Variants in STK3 observed in about 807,000 individuals in gnomAD.
STK3 encodes serine/threonine-protein kinase 3.
Under a neutral mutation model 58.0 loss-of-function variants are expected in STK3, and 41 were observed. The observed-to-expected ratio is 0.71, with a 90% CI of 0.55 to 0.92. STK3 has a LOEUF of 0.92. Ranked by LOEUF, STK3 falls within the 40% of genes least tolerant of loss-of-function variation. The pLI is 0.00. For synonymous variants in STK3, 170 were observed against 191.0 expected, an observed-to-expected ratio of 0.89 and a Z score of 0.91; for missense variants, 479 against 602.7, an observed-to-expected ratio of 0.79 and a Z score of 2.15.
chr8:98,380,805 T>C (rs539860741), intron 1 of STK3, among the ~76,000 whole-genome samples: 1 of 152,274 alleles, frequency 6.6e-6, no homozygotes, highest in Non-Finnish European at 1.5e-5. Context: ...ATTACCTGTT[T>C]ATGTCTGTTG....
chr8:98,605,184 A>G (rs1485350811), intron 6 of STK3, among the ~76,000 whole-genome samples: 1 of 151,980 alleles, frequency 6.6e-6, no homozygotes, highest in Non-Finnish European at 1.5e-5. Flanking sequence ...CCTGTTACCC[A>G]CTTTCAAAGC....
At chr8:98,711,655 T>A (rs1330376955) in intron 4 of STK3, among the ~76,000 whole-genome samples, 4 of 152,154 alleles carry the variant, frequency 2.6e-5, no homozygotes, top group Non-Finnish European at 4.4e-5. Flanking sequence ...AATCTATGTC[T>A]GATTGGTGTA....
chr8:98,654,715 G>T (rs1215898032), intron 6 of STK3, among the ~76,000 whole-genome samples: 2 of 152,074 alleles, frequency 1.3e-5, no homozygotes, highest in African/African-American at 4.8e-5. Flanking sequence ...GCCAAATCAT[G>T]AGTGAACTCC....
intron 1 of STK3, among the ~76,000 whole-genome samples, chr8:98,936,592 C>T (rs927693848): frequency 6.6e-6 from 1 of 152,220 alleles, no homozygotes; most frequent in African/African-American, 2.4e-5. Context: ...TATGGCTTGT[C>T]AAGAGAATGT....
chr8:98,738,762 G>A (rs1385931633), intron 4 of STK3, among the ~76,000 whole-genome samples: 4 of 152,240 alleles, frequency 2.6e-5, no homozygotes, highest in African/African-American at 4.8e-5. Flanking sequence ...GCAGCGCACC[G>A]TGTGCGAGCC....
chr8:98,405,204 T>G (rs765124951), intron 3 of STK3, among the ~76,000 whole-genome samples: 18 of 152,226 alleles, frequency 1.2e-4, no homozygotes, highest in Non-Finnish European at 1.5e-5. Flanking sequence ...TCTACAAGTC[T>G]ACTAATCCCC....
intron 1 of STK3, among the ~76,000 whole-genome samples, chr8:98,922,683 G>A (rs946168008): frequency 5.3e-5 from 8 of 152,304 alleles, no homozygotes; most frequent in Middle Eastern, 3.4e-3. Context: ...ACTGCTGATC[G>A]CTGAGTGAGG....
intron 8 of STK3, among the ~76,000 whole-genome samples, chr8:98,565,283 T>G (rs1181759819): frequency 2.0e-5 from 3 of 152,156 alleles, no homozygotes; most frequent in Non-Finnish European, 4.4e-5. Flanking sequence ...TGTTTGCTTT[T>G]TCCAAAAGCC....
At position 98,706,552 on chromosome 8, in the gene STK3, C is replaced by G; in HGVS notation, c.599G>C (p.Cys200Ser). ...PEVIQEIGYN[C>S]VADIWSLGIT... ...GCCAAGGGACCAGATGTCGGCCACA[C>G]AGTTATAGCCTATTTCTTGAATCAC... is the stretch of plus-strand genomic sequence containing the variant. The change falls in exon 6 of 11, where the codon TGT (cysteine) becomes TCT (serine). Residue 200 changes from cysteine (C) to serine (S), a missense_variant. By Grantham distance (112) the Cys-to-Ser change is moderately radical (BLOSUM62 -1). This residue lies in a region of STK3 where 126 missense variants were observed against 210.1 expected (regional missense o/e 0.60). Transcript: ENST00000419617. 6.2e-7 allele frequency: 1 copy of G among 1,613,806 alleles called. No homozygotes were observed. The highest frequency in any genetic ancestry group is 8.5e-7 in the Non-Finnish European group (1 of 1,179,838).
intron 1 of STK3, among the ~76,000 whole-genome samples, chr8:98,439,785 T>C (rs1216430588): frequency 1.3e-5 from 2 of 152,212 alleles, no homozygotes; most frequent in Non-Finnish European, 2.9e-5. Context: ...CATTTAAATG[T>C]ATCCTCTGTG....
chr8:98,620,990 C>T (rs921581354), intron 6 of STK3, among the ~76,000 whole-genome samples: 2 of 139,694 alleles, frequency 1.4e-5, no homozygotes, highest in African/African-American at 2.7e-5. Flanking sequence ...AGTGCAGTGG[C>T]GGGATCTCGG....
intron 3 of STK3, among the ~76,000 whole-genome samples, chr8:98,859,531 A>G (rs1019599938): frequency 6.6e-6 from 1 of 152,206 alleles, no homozygotes; most frequent in Non-Finnish European, 1.5e-5. Context: ...AGATACCCCA[A>G]TGATCTGTTG....
chr8:98,428,636 C>T lies in STK3; in HGVS notation n.483+5491G>A, dbSNP rs1233946642. ...ATTTCCAAATCCCTGACAGCCAGGG[C>T]AACCCTGGCGAGGACCCTAGGTTCG... On this transcript the variant is annotated intron_variant and non_coding_transcript_variant, in intron 3 of 3. Transcript: ENST00000517832. The surrounding 1 kb of genome is among the most constrained non-coding windows in gnomAD (Gnocchi z 6.7). The T allele has an allele frequency of 6.2e-7, 1 of 1,614,212 alleles. No individual in the cohort carries two copies. Among genetic ancestry groups the T allele is most frequent in the East Asian group, 2.2e-5 (1 of 44,868 alleles).
At chr8:98,740,994 A>G (rs2131309521) in intron 4 of STK3, among the ~76,000 whole-genome samples, 1 of 152,304 alleles carries the variant, frequency 6.6e-6, no homozygotes, top group Admixed American at 6.5e-5. Flanking sequence ...AAAAGAGACA[A>G]AGAAGGCCAT....
chr8:98,726,047 C>T (rs925057398), intron 4 of STK3, among the ~76,000 whole-genome samples: 1 of 152,190 alleles, frequency 6.6e-6, no homozygotes, highest in Non-Finnish European at 1.5e-5. Flanking sequence ...ACTGTTACAG[C>T]GTGCTATGGG....
intron 1 of STK3, among the ~76,000 whole-genome samples, chr8:98,449,083 G>A (rs569563686): frequency 6.6e-6 from 1 of 152,236 alleles, no homozygotes; most frequent in South Asian, 2.1e-4. Context: ...GAGGGCCAAA[G>A]GTACTGTGAT....
intron 10 of STK3, among the ~76,000 whole-genome samples, chr8:98,489,926 T>C (rs1363201217): frequency 6.6e-6 from 1 of 152,154 alleles, no homozygotes; most frequent in Non-Finnish European, 1.5e-5. Flanking sequence ...ACCTGAAATT[T>C]TAACTGGAAT....
chr8:98,604,798 G>A (rs1266500908), intron 6 of STK3, among the ~76,000 whole-genome samples: 1 of 152,040 alleles, frequency 6.6e-6, no homozygotes, highest in Non-Finnish European at 1.5e-5. Context: ...ATACAAGTTT[G>A]AGTTTTACAT....
At chr8:98,483,481 T>C (rs940811481) in intron 10 of STK3, among the ~76,000 whole-genome samples, 7 of 152,166 alleles carry the variant, frequency 4.6e-5, no homozygotes, top group African/African-American at 1.7e-4. Flanking sequence ...TGTTTTGCCT[T>C]TTTCCCCAAA....
Sources: allele counts gnomAD v4.1 joint callset (sites outside exome capture counted in the v4.1 genomes callset), GRCh38; gene constraint gnomAD v4.1.1; regional missense constraint gnomAD v4.1.1; non-coding constraint Gnocchi (gnomAD v3.1); transcripts MANE v1.5; gene names NCBI Gene and HGNC (gene_info 2026-07-23, HGNC 2026-07-21).